The following DGKD variants were observed in gnomAD, a reference collection of about 807,000 sequenced individuals.
The protein encoded by DGKD is DAG kinase delta.
Under a neutral mutation model 154.4 loss-of-function variants are expected in DGKD, and 68 were observed. That is an observed-to-expected ratio of 0.44 (90% CI 0.36 to 0.54). The LOEUF (loss-of-function observed/expected upper bound fraction) is 0.54. DGKD is among the 20% of genes least tolerant of loss of function. The probability of loss-of-function intolerance (pLI) is 0.00; values close to 1 mark genes in which losing one functional copy is unlikely to be tolerated. For synonymous variants in DGKD, 693 were observed against 638.0 expected (o/e 1.09, Z -1.30); for missense variants, 1,343 against 1,593.6 (o/e 0.84, Z 2.68).
chr2:233,430,994 A>C (rs745432450), intron 3 of DGKD, among the ~76,000 whole-genome samples: 3 of 152,214 alleles, frequency 2.0e-5, no homozygotes, highest in South Asian at 4.1e-4. Flanking sequence ...ACAACAACAA[A>C]AAAAGAAATA....
At chr2:233,392,063 C>T (rs1703656895) in intron 3 of DGKD, 1 of 152,160 alleles carries the variant, frequency 6.6e-6, no homozygotes, top group Non-Finnish European at 1.5e-5. Flanking sequence ...CTCCCTTTGT[C>T]ACCCAGGCTG....
chr2:233,468,309 G>C, intron 28 of DGKD, 114 bp from the exon 29 acceptor site: 2 of 1,352,030 alleles, frequency 1.5e-6, no homozygotes, highest in South Asian at 2.8e-5. Context: ...GGTGCTGGCT[G>C]TTGGGACGTC....
Position 233,440,589 on chromosome 2 carries a change from C to G in DGKD, c.1086-1298C>G, listed in dbSNP as rs960082950. ...TAGTGTTCTGAAGGCTGCAGGGAGGCGGGAGGCTTCTGGGCTGAGGGCACC... is the reference window on the plus strand; with the variant it reads ...TAGTGTTCTGAAGGCTGCAGGGAGGGGGGAGGCTTCTGGGCTGAGGGCACC... On this transcript the variant is annotated intron_variant, in intron 9 of 29. Transcript: ENST00000264057. This position sits in a 1 kb window ranked among gnomAD's most constrained non-coding sequence, Gnocchi z 4.9. Among the ~76,000 whole-genome samples the G allele has an allele frequency of 6.6e-6, 1 of 152,066 alleles. No homozygotes were observed. The highest frequency in any genetic ancestry group is 2.4e-5 in the African/African-American group (1 of 41,408).
In DGKD at chr2:233,441,101, T is replaced by C. The variant is rs2062870332; in HGVS notation, c.1086-786T>C. Among the ~76,000 whole-genome samples the C allele has an allele frequency of 6.6e-6, 1 of 152,166 alleles. No individual in the cohort carries two copies. The highest frequency in any genetic ancestry group is 2.4e-5 in the African/African-American group (1 of 41,442). ...CTTTCAGGAGTGGCCTGGGGGCTGT[T>C]GATCCAGAGTCACCTGTGTGGTCCT... On this transcript the variant is annotated intron_variant, in intron 9 of 29. Coordinates refer to ENST00000264057, the MANE Select transcript of DGKD (RefSeq NM_152879.3). This position sits in a 1 kb window ranked among gnomAD's most constrained non-coding sequence, Gnocchi z 5.6.
rs1245989238 is a variant in DGKD, at chr2:233,440,068, G to A, written c.1085+1689G>A. Among the ~76,000 whole-genome samples, 2 of 152,188 alleles carry A rather than the reference G, an allele frequency of 1.3e-5. No homozygotes were observed. The highest frequency in any genetic ancestry group is 2.9e-5 in the Non-Finnish European group (2 of 68,044). ...AGAATAACGAAATATTCATTTTGGT[G>A]TGCAAGCAAAACCCCATGTTTCGTA... On this transcript the variant is annotated intron_variant, in intron 9 of 29. Coordinates refer to ENST00000264057, the MANE Select transcript of DGKD (RefSeq NM_152879.3). This position sits in a 1 kb window ranked among gnomAD's most constrained non-coding sequence, Gnocchi z 4.9.
Position 233,440,432 on chromosome 2 carries a change from T to TA in DGKD, c.1086-1454dup, listed in dbSNP as rs1354470958. ...GGGGAGTGCAGATGCAGGGAATGGG[T>TA]AGGAGCACACGCAGGGTCCCCCGGC... is the stretch of plus-strand genomic sequence containing the variant. On this transcript the variant is annotated intron_variant, in intron 9 of 29. Coordinates refer to ENST00000264057, the MANE Select transcript of DGKD (RefSeq NM_152879.3). This position sits in a 1 kb window ranked among gnomAD's most constrained non-coding sequence, Gnocchi z 4.9. Among the ~76,000 whole-genome samples the TA allele has an allele frequency of 6.6e-6, 1 of 151,930 alleles. No homozygotes were observed. The highest frequency in any genetic ancestry group is 2.4e-5 in the African/African-American group (1 of 41,338).
intron 19 of DGKD, 96 bp downstream of exon 19, chr2:233,454,969 C>T (rs188053345): frequency 5.4e-5 from 42 of 774,828 alleles, no homozygotes; most frequent in African/African-American, 2.8e-4. Flanking sequence ...GGTTAAAGAA[C>T]GTGCAGAATG....
In DGKD at chr2:233,468,492, T is replaced by C. The variant is rs200425656; in HGVS notation, c.3494T>C (p.Ile1165Thr). ...CTCAGTCTCTGTGAGTATAAGGACATCTTCACACGGCACGACATCCGGGGC... is the reference window on the plus strand; with the variant it reads ...CTCAGTCTCTGTGAGTATAAGGACACCTTCACACGGCACGACATCCGGGGC... ...EHLSLCEYKD[I>T]FTRHDIRGSE... Residue 1165 changes from isoleucine to threonine, a missense_variant, in exon 29 of 30, where the codon ATC becomes ACC. Physicochemically the swap from Ile to Thr is moderately conservative, Grantham distance 89. Coordinates refer to ENST00000264057, the MANE Select transcript of DGKD (RefSeq NM_152879.3). The C allele has an allele frequency of 2.5e-5, 41 of 1,613,412 alleles. No homozygotes were observed. The Admixed American group carries it at 6.8e-4, about 27-fold the overall frequency.
rs1270918156 is a variant in DGKD, at chr2:233,429,122, G to A, written c.349-5258G>A. On this transcript the variant is annotated intron_variant, in intron 3 of 29. Transcript: ENST00000264057. ...CCCTCTCCTTCAGTGTGTGGGTCAG[G>A]TGGGCCCAAAGATCCATCTTCTCAA... 1.5e-5 allele frequency: 15 copies of A among 985,204 alleles called. No individual in the cohort carries two copies. The Admixed American group carries it at 7.4e-4, about 48-fold the overall frequency. 61.0% of individuals were successfully genotyped at this position (985,204 alleles called of 1,614,324 possible).
At chr2:233,464,405 G>C (rs2063765028) in intron 27 of DGKD, 122 bp downstream of exon 27, 44 of 1,282,108 alleles carry the variant, frequency 3.4e-5, no homozygotes, top group Non-Finnish European at 4.7e-5. Context: ...GGCAGCCCCT[G>C]AGGGGCCTTC....
At chr2:233,464,126 A>G in intron 26 of DGKD, 38 bp from the exon 27 acceptor site, 1 of 1,612,422 alleles carries the variant, frequency 6.2e-7, no homozygotes, top group Non-Finnish European at 8.5e-7. Flanking sequence ...AGCAGTGCAC[A>G]CTCTCCATTT....
chr2:233,397,535 TGGGGG>T (rs5839483), intron 3 of DGKD, among the ~76,000 whole-genome samples: 1 of 62,466 alleles, frequency 1.6e-5, no homozygotes, highest in Non-Finnish European at 3.1e-5. Flanking sequence ...CCAGGGTGGC[TGGGGG>T]GGGGGGGCAG....
chr2:233,455,124 C>T (rs888912368), intron 19 of DGKD, among the ~76,000 whole-genome samples: 3 of 152,206 alleles, frequency 2.0e-5, no homozygotes, highest in South Asian at 2.1e-4. Flanking sequence ...ATTGGAATGG[C>T]GGCATCTCTT....
Position 233,401,183 on chromosome 2 carries a change from A to C in DGKD, c.348+10700A>C, listed in dbSNP as rs559942724. Among the ~76,000 whole-genome samples, 95 of 152,094 alleles carry C rather than the reference A, an allele frequency of 6.2e-4. 1 individual carries two copies. Among genetic ancestry groups the C allele is most frequent in the Admixed American group, 2.0e-3 (30 of 15,266 alleles). ...CTCGAAGCCTCCATTTTCTCATCTGAGAAATGGGGCTAGTAACCTGCCTTG... is the reference window on the plus strand; with the variant it reads ...CTCGAAGCCTCCATTTTCTCATCTGCGAAATGGGGCTAGTAACCTGCCTTG... On this transcript the variant is annotated intron_variant, in intron 3 of 29. Transcript: ENST00000264057.
At chr2:233,450,268 C>A in intron 16 of DGKD, 137 bp downstream of exon 16, 1 of 1,166,236 alleles carries the variant, frequency 8.6e-7, no homozygotes, top group Non-Finnish European at 1.2e-6. Context: ...ATTGAGCGCC[C>A]AAGGCCTGTT....
At chr2:233,375,298 GA>G (rs201082881) in intron 1 of DGKD, among the ~76,000 whole-genome samples, 5 of 150,796 alleles carry the variant, frequency 3.3e-5, no homozygotes, top group African/African-American at 4.9e-5. Flanking sequence ...CTCAAAAAAG[GA>G]AAAAAAAGAA....
intron 1 of DGKD, among the ~76,000 whole-genome samples, chr2:233,383,097 G>T (rs1702986226): frequency 6.6e-6 from 1 of 150,700 alleles, no homozygotes; most frequent in Non-Finnish European, 1.5e-5. Flanking sequence ...CGGGAGTGCA[G>T]TGGCATGATC....
At position 233,360,991 on chromosome 2, in the gene DGKD, T is replaced by TG. The variant is rs374277840; in HGVS notation, c.156+6317_156+6318insG. ...GAGCAGTGAGACAGTCAAGTTTTTT[T>TG]TTTTTTTTTTTTTTTCCAAGTTTTG... On this transcript the variant is annotated intron_variant, in intron 1 of 29. Coordinates refer to ENST00000264057, the MANE Select transcript of DGKD (RefSeq NM_152879.3). 6.7e-3 allele frequency among the ~76,000 whole-genome samples: 463 copies of TG among 69,414 alleles called. 2 individuals carry two copies. The highest frequency in any genetic ancestry group is 0.015 in the African/African-American group (431 of 28,404). 45.5% of individuals were successfully genotyped at this position (69,414 alleles called of 152,430 possible).
chr2:233,423,741 T>C (rs577369949), intron 3 of DGKD, among the ~76,000 whole-genome samples: 1 of 152,180 alleles, frequency 6.6e-6, no homozygotes, highest in South Asian at 2.1e-4. Flanking sequence ...TCAGTTTCTG[T>C]CTTGTCTGAC....
Sources: gnomAD v4.1 joint callset for allele counts (sites outside exome capture counted in the v4.1 genomes callset) on GRCh38, gnomAD v4.1.1 for gene constraint, Gnocchi (gnomAD v3.1) non-coding constraint, MANE v1.5 for transcripts, NCBI Gene and HGNC (gene_info 2026-07-23, HGNC 2026-07-21) for gene names.